The following AGBL4 variants were observed in gnomAD, a reference collection of about 807,000 sequenced individuals.
The protein encoded by AGBL4 is cytosolic carboxypeptidase 6.
A neutral mutation model predicts 66.4 loss-of-function variants in AGBL4; 58 were observed. The observed-to-expected ratio is 0.87, with a 90% CI of 0.71 to 1.09. The LOEUF is 1.09. Among genes scored for constraint, AGBL4 ranks in the 50% least tolerant of loss-of-function variants. AGBL4 has a pLI of 0.00. For missense variants in AGBL4, 579 were observed against 631.0 expected (o/e 0.92, Z 0.88); for synonymous variants, 234 against 222.9 (o/e 1.05, Z -0.44).
chr1:49,061,938 C>T (rs912106390), intron 4 of AGBL4, among the ~76,000 whole-genome samples: 10 of 152,112 alleles, frequency 6.6e-5, no homozygotes, highest in Admixed American at 2.0e-4. Context: ...CCTGGGGCCA[C>T]GGACAGGCCA....
At chr1:49,417,569 TAG>T (rs1483476022) in intron 3 of AGBL4, among the ~76,000 whole-genome samples, 2 of 152,218 alleles carry the variant, frequency 1.3e-5, no homozygotes, top group East Asian at 3.9e-4. Context: ...TTTAAGAGAC[TAG>T]AGAGATATAA....
At chr1:48,937,551 ACC>A (rs1465961538) in intron 5 of AGBL4, among the ~76,000 whole-genome samples, 4 of 152,132 alleles carry the variant, frequency 2.6e-5, no homozygotes, top group Admixed American at 2.0e-4. Context: ...ACTAACTGCT[ACC>A]CCAGAGCCCG....
intron 3 of AGBL4, chr1:49,691,272 T>G (rs1357443596): frequency 1.3e-5 from 2 of 152,358 alleles, no homozygotes; most frequent in Admixed American, 6.5e-5. Context: ...TCAGAACTTC[T>G]GAAATTGATT....
chr1:49,893,684 G>A (rs1027937455), intron 1 of AGBL4, among the ~76,000 whole-genome samples: 3 of 152,202 alleles, frequency 2.0e-5, no homozygotes, highest in Non-Finnish European at 4.4e-5. Flanking sequence ...CTCATGGTTT[G>A]AGAGCCAGCT....
chr1:49,345,514 C>A (rs952989778), intron 3 of AGBL4, among the ~76,000 whole-genome samples: 1 of 152,014 alleles, frequency 6.6e-6, no homozygotes, highest in African/African-American at 2.4e-5. Context: ...AAAAAAAATT[C>A]CAGATCTCCC....
At chr1:49,749,906 A>C (rs1162179114) in intron 2 of AGBL4, among the ~76,000 whole-genome samples, 1 of 152,196 alleles carries the variant, frequency 6.6e-6, no homozygotes, top group African/African-American at 2.4e-5. Flanking sequence ...ATTTTAGTGA[A>C]AACTGTTATA....
intron 5 of AGBL4, among the ~76,000 whole-genome samples, chr1:48,916,039 T>A (rs544067807): frequency 7.5e-4 from 114 of 152,268 alleles, no homozygotes; most frequent in Non-Finnish European, 1.5e-3. Context: ...AGTTTGTTAA[T>A]CAGCAGCTTC....
chr1:49,512,049 T>C (rs188066685), intron 3 of AGBL4, among the ~76,000 whole-genome samples: 17 of 152,092 alleles, frequency 1.1e-4, no homozygotes, highest in African/African-American at 4.1e-4. Flanking sequence ...GCTATGTACA[T>C]AGTAGGTATT....
chr1:48,713,880 A>T (rs990132977), intron 6 of AGBL4, among the ~76,000 whole-genome samples: 4 of 152,148 alleles, frequency 2.6e-5, no homozygotes, highest in Non-Finnish European at 4.4e-5. Context: ...TGACAACTGG[A>T]TCTGCAACAT....
intron 2 of AGBL4, among the ~76,000 whole-genome samples, chr1:49,844,409 T>C (rs1180635572): frequency 1.3e-5 from 2 of 152,172 alleles, no homozygotes; most frequent in African/African-American, 4.8e-5. Flanking sequence ...ACTCTACCCA[T>C]ATTCCTTGTG....
intron 3 of AGBL4, among the ~76,000 whole-genome samples, chr1:49,331,770 A>T (rs145307890): frequency 6.6e-6 from 1 of 152,158 alleles, no homozygotes; most frequent in African/African-American, 2.4e-5. Context: ...GTGGAAGGTA[A>T]CACAGCACAA....
chr1:49,762,485 T>C (rs1459556211), intron 2 of AGBL4, among the ~76,000 whole-genome samples: 1 of 151,524 alleles, frequency 6.6e-6, no homozygotes, highest in African/African-American at 2.4e-5. Context: ...CGATCTTGGC[T>C]CACTGAAAGC....
At chr1:49,239,319 A>G (rs550928229) in intron 4 of AGBL4, among the ~76,000 whole-genome samples, 9 of 152,166 alleles carry the variant, frequency 5.9e-5, no homozygotes, top group Non-Finnish European at 1.3e-4. Context: ...GTATAACAGG[A>G]GTTTATAGAC....
At chr1:49,654,850 A>G (rs972984427) in intron 3 of AGBL4, among the ~76,000 whole-genome samples, 1 of 152,124 alleles carries the variant, frequency 6.6e-6, no homozygotes, top group Admixed American at 6.5e-5. Context: ...TGAATACAGA[A>G]CACTGATGAT....
rs1047741015 is a variant in AGBL4, at chr1:49,551,502, T to C, written c.282+145811A>G. 2.6e-5 allele frequency among the ~76,000 whole-genome samples: 4 copies of C among 152,230 alleles called. No individual in the cohort carries two copies. In the South Asian group the frequency reaches 8.3e-4, roughly 31 times the overall value. On this transcript the variant is annotated intron_variant, in intron 3 of 13. Coordinates refer to ENST00000371839, the MANE Select transcript of AGBL4 (RefSeq NM_032785.4). ...CCCACAGGCTGTTCCCTTCATGTTG[T>C]ACTCTCCCCCTTTTCCTGTGGATGT...
At chr1:48,784,924 G>A (rs1035594686) in intron 6 of AGBL4, among the ~76,000 whole-genome samples, 10 of 152,258 alleles carry the variant, frequency 6.6e-5, no homozygotes, top group Admixed American at 3.3e-4. Context: ...ATTTGAATTC[G>A]TTTTGAAAAA....
intron 6 of AGBL4, among the ~76,000 whole-genome samples, chr1:48,764,388 G>C (rs1351694947): frequency 6.6e-6 from 1 of 152,196 alleles, no homozygotes; most frequent in East Asian, 1.9e-4. Context: ...AGAGTGAATG[G>C]CACTTCAACA....
chr1:50,010,464 C>T (rs535983799), intron 1 of AGBL4, among the ~76,000 whole-genome samples: 1 of 69,258 alleles, frequency 1.4e-5, no homozygotes, highest in South Asian at 7.5e-4. Context: ...TTGTAAGGAA[C>T]CACAAACACA....
intron 2 of AGBL4, among the ~76,000 whole-genome samples, chr1:49,785,320 T>C (rs1415765882): frequency 1.3e-5 from 2 of 152,076 alleles, no homozygotes; most frequent in Non-Finnish European, 1.5e-5. Context: ...AAAGAATGTA[T>C]GTTAAAATGT....
Sources: allele counts gnomAD v4.1 joint callset (sites outside exome capture counted in the v4.1 genomes callset), GRCh38; gene constraint gnomAD v4.1.1; transcripts MANE v1.5; gene names NCBI Gene and HGNC (gene_info 2026-07-23, HGNC 2026-07-21).